B3GALT5: variants seen among roughly 807,000 people sequenced by gnomAD.
The protein encoded by B3GALT5 is beta-1,3-galactosyltransferase 5.
For synonymous variants in B3GALT5, 156 were observed against 158.6 expected, an observed-to-expected ratio of 0.98 and a Z score of 0.12; for missense variants, 328 against 396.6, an observed-to-expected ratio of 0.83 and a Z score of 1.47.
intron 1 of B3GALT5, among the ~76,000 whole-genome samples, chr21:39,638,976 A>G (rs1020365920): frequency 2.0e-5 from 3 of 152,240 alleles, no homozygotes; most frequent in Non-Finnish European, 4.4e-5. Flanking sequence ...GACTGAAGCC[A>G]GTTTCCCGTG....
At position 39,647,601 on chromosome 21, in the gene B3GALT5, A is replaced by C. The variant is rs116791585; in HGVS notation, c.-161+979A>C. Among the ~76,000 whole-genome samples, 858 of 152,200 alleles carry C rather than the reference A, an allele frequency of 5.6e-3. 6 individuals are homozygous for C. The highest frequency in any genetic ancestry group is 0.02 in the African/African-American group (823 of 41,522). On this transcript the variant is annotated intron_variant, in intron 2 of 3. Transcript: ENST00000684187. ...TGAGCTCAAGCGATCCACTGACTTC[A>C]GCCTCCCAAGTGCTGGGATTATGGG...
At chr21:39,618,730 GT>G (rs763178095) in intron 1 of B3GALT5, among the ~76,000 whole-genome samples, 10 of 152,014 alleles carry the variant, frequency 6.6e-5, no homozygotes, top group Non-Finnish European at 1.0e-4. Context: ...TACTCCGTCT[GT>G]GTCTTGTATT....
chr21:39,621,594 G>A (rs894066677), intron 1 of B3GALT5, among the ~76,000 whole-genome samples: 1 of 151,744 alleles, frequency 6.6e-6, no homozygotes, highest in African/African-American at 2.4e-5. Context: ...GTTTATTTAG[G>A]TTCTATTTCC....
At chr21:39,621,067 C>T (rs1164325900) in intron 1 of B3GALT5, among the ~76,000 whole-genome samples, 2 of 152,134 alleles carry the variant, frequency 1.3e-5, no homozygotes, top group Non-Finnish European at 2.9e-5. Flanking sequence ...AAGTTCAAGA[C>T]TAGCCTGGGC....
chr21:39,627,079 G>C (rs1224720946), intron 1 of B3GALT5, among the ~76,000 whole-genome samples: 1 of 152,128 alleles, frequency 6.6e-6, no homozygotes, highest in Non-Finnish European at 1.5e-5. Context: ...CAACTGCCAT[G>C]ATCACCTTCC....
chr21:39,632,732 T>C (rs2079200209), intron 1 of B3GALT5, among the ~76,000 whole-genome samples: 1 of 152,138 alleles, frequency 6.6e-6, no homozygotes, highest in South Asian at 2.1e-4. Context: ...CATTTCCTAC[T>C]AGAGTGGCTT....
intron 1 of B3GALT5, among the ~76,000 whole-genome samples, chr21:39,634,669 C>T (rs2079214560): frequency 6.6e-6 from 1 of 152,134 alleles, no homozygotes. Flanking sequence ...GGCCTTAACC[C>T]TCCCCGATCA....
intron 1 of B3GALT5, among the ~76,000 whole-genome samples, chr21:39,624,818 T>A: frequency 6.6e-6 from 1 of 151,168 alleles, no homozygotes. Context: ...AAAAAAAAAG[T>A]GCAAAAATAA....
At chr21:39,615,649 T>G (rs1169241306) in intron 1 of B3GALT5, among the ~76,000 whole-genome samples, 1 of 152,248 alleles carries the variant, frequency 6.6e-6, no homozygotes, top group Non-Finnish European at 1.5e-5. Context: ...TGACAGGTAC[T>G]TGTTATATGA....
intron 2 of B3GALT5, among the ~76,000 whole-genome samples, chr21:39,650,723 A>G (rs1373000357): frequency 6.6e-6 from 1 of 152,110 alleles, no homozygotes; most frequent in Non-Finnish European, 1.5e-5. Flanking sequence ...GATACTGGAG[A>G]GATGATTCAA....
At position 39,638,236 on chromosome 21, in the gene B3GALT5, C is replaced by T. The variant is rs143100729; in HGVS notation, c.-391-8156C>T. ...AAATGTTGCATTTCCCAAGACCACC[C>T]TGGCCTGCCACACCCCCATACTGTG... On this transcript the variant is annotated intron_variant, in intron 1 of 3. Transcript: ENST00000684187. 1.9e-3 allele frequency among the ~76,000 whole-genome samples: 295 copies of T among 152,266 alleles called. 5 individuals carry two copies. The East Asian group carries it at 0.023, about 12-fold the overall frequency.
chr21:39,633,857 T>C (rs2079208013), intron 1 of B3GALT5, among the ~76,000 whole-genome samples: 1 of 152,228 alleles, frequency 6.6e-6, no homozygotes, highest in African/African-American at 2.4e-5. Context: ...ACTTATTTTC[T>C]GTTTGAAGAA....
intron 1 of B3GALT5, among the ~76,000 whole-genome samples, chr21:39,621,827 CT>C (rs1417100696): frequency 1.3e-5 from 2 of 151,440 alleles, no homozygotes; most frequent in African/African-American, 4.9e-5. Flanking sequence ...GTTTTATTTG[CT>C]TTATTAGTTT....
At chr21:39,623,036 G>A (rs2079141904) in intron 1 of B3GALT5, among the ~76,000 whole-genome samples, 1 of 151,924 alleles carries the variant, frequency 6.6e-6, no homozygotes, top group South Asian at 2.1e-4. Context: ...TCCTTAGTTT[G>A]AACTTGTAAA....
chr21:39,613,217 T>C (rs2079089903), intron 1 of B3GALT5, 150 bp downstream of exon 1: 1 of 152,260 alleles, frequency 6.6e-6, no homozygotes, highest in Admixed American at 6.6e-5. Context: ...TTCTCCTTCG[T>C]TCCTTTTAAA....
At chr21:39,627,062 T>C (rs534128736) in intron 1 of B3GALT5, among the ~76,000 whole-genome samples, 5 of 152,326 alleles carry the variant, frequency 3.3e-5, no homozygotes, top group African/African-American at 9.6e-5. Context: ...GGGGATTTTA[T>C]TGAAGCCAAC....
intron 1 of B3GALT5, among the ~76,000 whole-genome samples, chr21:39,636,802 A>G (rs1439625168): frequency 6.6e-6 from 1 of 152,126 alleles, no homozygotes; most frequent in Non-Finnish European, 1.5e-5. Context: ...GGTGGCGGTC[A>G]AATGGGGTTC....
intron 2 of B3GALT5, among the ~76,000 whole-genome samples, chr21:39,658,050 C>G (rs1262569532): frequency 1.3e-5 from 2 of 152,176 alleles, no homozygotes; most frequent in African/African-American, 4.8e-5. Flanking sequence ...GCTGGTGCTG[C>G]AGGTGCCCCT....
chr21:39,650,798 A>T (rs572954839), intron 2 of B3GALT5, among the ~76,000 whole-genome samples: 125 of 152,150 alleles, frequency 8.2e-4, no homozygotes, highest in African/African-American at 2.7e-3. Context: ...GTAGAAAAAA[A>T]TTAAAAAATT....
Sources: allele counts gnomAD v4.1 joint callset (sites outside exome capture counted in the v4.1 genomes callset), GRCh38; gene constraint gnomAD v4.1.1; transcripts MANE v1.5; gene names NCBI Gene and HGNC (gene_info 2026-07-23, HGNC 2026-07-21).